CERS3: variants seen among roughly 807,000 people sequenced by gnomAD.
The protein encoded by CERS3 is LAG1 homolog, ceramide synthase 3.
In CERS3, 33 loss-of-function variants were observed where a neutral mutation model predicts 50.3. That is an observed-to-expected ratio of 0.66 (90% CI 0.50 to 0.88). The LOEUF is 0.88. Ranked by LOEUF, CERS3 falls within the 40% of genes least tolerant of loss-of-function variation. The probability of loss-of-function intolerance (pLI) is 0.00; values close to 1 mark genes in which losing one functional copy is unlikely to be tolerated. For missense variants in CERS3, 470 were observed against 460.3 expected (o/e 1.02, Z -0.19); for synonymous variants, 176 against 155.2 (o/e 1.13, Z -0.99).
At chr15:100,500,291 T>C (rs937533414) in intron 3 of CERS3, 4 of 152,158 alleles carry the variant, frequency 2.6e-5, no homozygotes, top group Non-Finnish European at 2.9e-5. Flanking sequence ...ATAGAGAATA[T>C]AGACTATACT....
intron 10 of CERS3, among the ~76,000 whole-genome samples, chr15:100,461,746 C>T (rs950620833): frequency 4.6e-5 from 7 of 152,082 alleles, no homozygotes; most frequent in African/African-American, 1.4e-4. Flanking sequence ...GAGGAGGAGT[C>T]CACTTTGGAG....
chr15:100,464,307 G>A (rs939665641), intron 10 of CERS3, among the ~76,000 whole-genome samples: 5 of 152,182 alleles, frequency 3.3e-5, no homozygotes, highest in African/African-American at 9.7e-5. Context: ...ATGAAACAGG[G>A]TTAGACACAA....
At chr15:100,512,501 T>C (rs939194457) in intron 2 of CERS3, among the ~76,000 whole-genome samples, 2 of 152,184 alleles carry the variant, frequency 1.3e-5, no homozygotes, top group Non-Finnish European at 2.9e-5. Context: ...TCCAGAGGGC[T>C]GGTTTCCAGC....
At chr15:100,481,274 A>G (rs931333430) in intron 5 of CERS3, among the ~76,000 whole-genome samples, 1 of 152,172 alleles carries the variant, frequency 6.6e-6, no homozygotes, top group Non-Finnish European at 1.5e-5. Context: ...GAACATTATC[A>G]TTTCCCCTAA....
upstream of CERS3, among the ~76,000 whole-genome samples, chr15:100,532,880 T>G (rs1038445815): frequency 1.3e-5 from 2 of 152,160 alleles, no homozygotes; most frequent in African/African-American, 2.4e-5. Context: ...CATCTTCATA[T>G]CCCTGGATCA....
upstream of CERS3, among the ~76,000 whole-genome samples, chr15:100,533,007 C>A (rs1184239380): frequency 6.6e-6 from 1 of 152,202 alleles, no homozygotes; most frequent in Non-Finnish European, 1.5e-5. Flanking sequence ...AGGACCTGAA[C>A]TTCATCTTCC....
At chr15:100,505,888 G>A (rs1460594936) in intron 2 of CERS3, among the ~76,000 whole-genome samples, 2 of 152,146 alleles carry the variant, frequency 1.3e-5, no homozygotes, top group East Asian at 1.9e-4. Context: ...GGTGGCATGC[G>A]CCTGTAATCT....
rs1230339626 is a variant in CERS3 at position 100,421,621 on chromosome 15, G to A, written c.1000-18756C>T. On this transcript the variant is annotated intron_variant, in intron 11 of 11. Transcript: ENST00000679737. ...ATGGAACCAAAAAAGAGCCCGCATC[G>A]CCAAGTCAATCCTAAGCCAAAAGAA... Among the ~76,000 whole-genome samples the A allele has an allele frequency of 2.4e-3, 355 of 148,152 alleles. 1 individual carries two copies. Among genetic ancestry groups the A allele is most frequent in the Admixed American group, 3.5e-3 (52 of 14,866 alleles).
chr15:100,430,318 A>G (rs2033062185), intron 11 of CERS3, among the ~76,000 whole-genome samples: 1 of 152,190 alleles, frequency 6.6e-6, no homozygotes, highest in African/African-American at 2.4e-5. Context: ...TCTCAAAAAA[A>G]AAAAGAATGA....
chr15:100,509,967 C>T (rs575144312), intron 2 of CERS3, among the ~76,000 whole-genome samples: 1 of 150,328 alleles, frequency 6.7e-6, no homozygotes, highest in African/African-American at 2.4e-5. Flanking sequence ...GTCGGGTAAA[C>T]ATGTTTATCT....
chr15:100,516,632 G>A (rs535387672), intron 2 of CERS3, among the ~76,000 whole-genome samples: 2 of 152,212 alleles, frequency 1.3e-5, no homozygotes, highest in African/African-American at 4.8e-5. Flanking sequence ...AGATTCCCCA[G>A]AGAGAGAAAT....
At chr15:100,443,718 A>T (rs1013288492) in intron 11 of CERS3, among the ~76,000 whole-genome samples, 1 of 147,696 alleles carries the variant, frequency 6.8e-6, no homozygotes, top group Admixed American at 6.8e-5. Flanking sequence ...CCTGTTACCT[A>T]TCTTAGCATA....
intron 11 of CERS3, among the ~76,000 whole-genome samples, chr15:100,418,743 C>T (rs1357870871): frequency 7.3e-6 from 1 of 136,984 alleles, no homozygotes; most frequent in Non-Finnish European, 1.6e-5. Context: ...TCGGCAGAAA[C>T]CCTACAAGCC....
intron 11 of CERS3, among the ~76,000 whole-genome samples, chr15:100,443,351 A>T (rs554473165): frequency 6.0e-5 from 9 of 150,662 alleles, no homozygotes; most frequent in African/African-American, 2.2e-4. Flanking sequence ...TGGCCTTTTA[A>T]AGCCTATAAA....
intron 8 of CERS3, chr15:100,475,854 A>C: frequency 4.0e-6 from 1 of 248,310 alleles, no homozygotes; most frequent in African/African-American, 2.3e-5. Context: ...TTTCTTATTG[A>C]ACAGAGGTGG....
intron 11 of CERS3, among the ~76,000 whole-genome samples, chr15:100,436,763 A>G (rs963071899): frequency 1.3e-5 from 2 of 151,516 alleles, no homozygotes; most frequent in African/African-American, 2.5e-5. Flanking sequence ...GTACAAAAAA[A>G]AGAGATTGTT....
intron 1 of CERS3, among the ~76,000 whole-genome samples, chr15:100,523,630 GGCGGAGCTTGCAGTGA>G (rs2036701985): frequency 6.6e-6 from 1 of 151,330 alleles, no homozygotes; most frequent in African/African-American, 2.4e-5. Flanking sequence ...GAACCTAGGA[GGCGGAGCTTGCAGTGA>G]GCGGAGATTG....
At chr15:100,418,271 C>A (rs1452812782) in intron 11 of CERS3, among the ~76,000 whole-genome samples, 1 of 151,968 alleles carries the variant, frequency 6.6e-6, no homozygotes, top group Non-Finnish European at 1.5e-5. Context: ...GGCCCGAGAA[C>A]TACGTGAAGA....
chr15:100,443,672 C>A (rs1205848034), intron 11 of CERS3, among the ~76,000 whole-genome samples: 1 of 139,458 alleles, frequency 7.2e-6, no homozygotes, highest in Admixed American at 7.3e-5. Flanking sequence ...CACAGACAGC[C>A]CCCATTACTT....
Sources: allele counts gnomAD v4.1 joint callset (sites outside exome capture counted in the v4.1 genomes callset), GRCh38; gene constraint gnomAD v4.1.1; transcripts MANE v1.5; gene names NCBI Gene and HGNC (gene_info 2026-07-23, HGNC 2026-07-21).